The following CASC3 variants were observed in gnomAD, a reference collection of about 807,000 sequenced individuals.
CASC3 encodes CASC3 exon junction complex subunit, also known as protein CASC3.
CASC3 carries 30 observed loss-of-function variants against 80.5 expected under a neutral mutation model. The observed-to-expected ratio is 0.37, with a 90% confidence interval of 0.28 to 0.51. The LOEUF (loss-of-function observed/expected upper bound fraction) is 0.51, where lower values mean the gene tolerates loss of function less well. CASC3 is among the 20% of genes least tolerant of loss of function. The pLI is 0.94. For missense variants in CASC3, 824 were observed against 922.2 expected (o/e 0.89, Z 1.38); for synonymous variants, 312 against 333.6 (o/e 0.94, Z 0.70).
At chr17:40,160,143 G>C (rs1989256602) in intron 3 of CASC3, among the ~76,000 whole-genome samples, 1 of 152,178 alleles carries the variant, frequency 6.6e-6, no homozygotes, top group African/African-American at 2.4e-5. Flanking sequence ...GCCATTTTGA[G>C]ATGGGAGAGT....
rs1321824559 is a variant in CASC3, at chr17:40,161,701, A to G, written c.298-52A>G. 10 of 1,546,730 alleles carry G rather than the reference A, an allele frequency of 6.5e-6. No individual in the cohort carries two copies. In the South Asian group the frequency reaches 1.0e-4, roughly 16 times the overall value. On this transcript the variant is annotated intron_variant, in intron 3 of 13. Transcript: ENST00000264645. ...GGGTTGGGGGCAGGGGTGGGAATTA[A>G]AATGCACCGTTCAGATCTTATATGC...
At chr17:40,148,774 T>G (rs1374837120) in intron 3 of CASC3, among the ~76,000 whole-genome samples, 1 of 152,182 alleles carries the variant, frequency 6.6e-6, no homozygotes, top group Non-Finnish European at 1.5e-5. Context: ...CTCTCTGCTT[T>G]CTCCTGCGTG....
Position 40,163,525 on chromosome 17 carries a change from G to T in CASC3, c.830G>T (p.Arg277Leu). 6.2e-7 allele frequency: 1 copy of T among 1,613,708 alleles called. No homozygotes were observed. ...PQRDPNWNGE[R>L]LNKSHRHQGL... ...AGAGATCCAAACTGGAACGGTGAGC[G>T]GCTAAACAAGTCTCATCGCCACCAG... Residue 277 changes from arginine (R) to leucine (L), a missense_variant, in exon 7 of 14, where the codon CGG (arginine) becomes CTG (leucine). Physicochemically the swap from Arg to Leu is moderately radical, Grantham distance 102. This residue lies in a region of CASC3 where 201 missense variants were observed against 294.1 expected (regional missense o/e 0.68). Coordinates refer to ENST00000264645, the MANE Select transcript of CASC3 (RefSeq NM_007359.5).
chr17:40,152,233 G>A (rs556710571), intron 3 of CASC3, among the ~76,000 whole-genome samples: 1 of 152,284 alleles, frequency 6.6e-6, no homozygotes, highest in South Asian at 2.1e-4. Context: ...AAACTCCTGG[G>A]CTTAAGCAAT....
At chr17:40,166,417 C>T (rs1303793843) in intron 7 of CASC3, among the ~76,000 whole-genome samples, 3 of 152,210 alleles carry the variant, frequency 2.0e-5, no homozygotes, top group South Asian at 2.1e-4. Context: ...GCATCCCTCC[C>T]TTGTCCAGCT....
intron 3 of CASC3, among the ~76,000 whole-genome samples, chr17:40,151,376 A>G (rs1181545053): frequency 6.6e-6 from 1 of 151,962 alleles, no homozygotes; most frequent in Non-Finnish European, 1.5e-5. Context: ...ATGCCTGCCT[A>G]ATTTTTAGTA....
Position 40,149,434 on chromosome 17 carries a change from TTGAC to T in CASC3, c.297+7831_297+7834del, listed in dbSNP as rs555787285. Among the ~76,000 whole-genome samples, 19 of 152,068 alleles carry T rather than the reference TTGAC, an allele frequency of 1.2e-4. No individual in the cohort carries two copies. The South Asian group carries it at 3.5e-3, about 28-fold the overall frequency. On this transcript the variant is annotated intron_variant, in intron 3 of 13. Coordinates refer to ENST00000264645, the MANE Select transcript of CASC3 (RefSeq NM_007359.5). Reference sequence around the variant, plus strand: ...GGCCAAAAAAACTTGTTAAAGAAATTTGACTGAGGGAAGGCTGAAGAGATGGTAG... The same window carrying T: ...GGCCAAAAAAACTTGTTAAAGAAATTTGAGGGAAGGCTGAAGAGATGGTAG...
intron 3 of CASC3, among the ~76,000 whole-genome samples, chr17:40,151,592 G>T (rs1989009627): frequency 6.6e-6 from 1 of 151,468 alleles, no homozygotes; most frequent in Non-Finnish European, 1.5e-5. Context: ...TACTTGGCAA[G>T]CTGAGGCAGG....
intron 3 of CASC3, among the ~76,000 whole-genome samples, chr17:40,152,496 T>C (rs1989037198): frequency 6.6e-6 from 1 of 151,766 alleles, no homozygotes; most frequent in African/African-American, 2.4e-5. Flanking sequence ...TAGTTTTGTA[T>C]TTTTAGTAGA....
intron 3 of CASC3, among the ~76,000 whole-genome samples, chr17:40,144,072 C>T (rs547095320): frequency 9.8e-4 from 149 of 151,614 alleles, no homozygotes; most frequent in African/African-American, 3.1e-3. Context: ...GCCAACATGG[C>T]GAAACCCATT....
rs146476008 is a variant in CASC3, at chr17:40,161,664, G to T, written c.298-89G>T. 9.7e-4 allele frequency: 1,106 copies of T among 1,142,498 alleles called. 15 individuals are homozygous for T. The Middle Eastern group carries it at 0.044, about 45-fold the overall frequency. The allele number at this position is 1,142,498 out of a possible 1,614,324, so 70.8% of individuals were successfully genotyped here. On this transcript the variant is annotated intron_variant, in intron 3 of 13. Coordinates refer to ENST00000264645, the MANE Select transcript of CASC3 (RefSeq NM_007359.5). The stretch of plus-strand genomic sequence containing the variant: ...ACTGTATTCCAGCCTGGGTGACAGA[G>T]ACTTTGTTTTGGGGTTGGGGGCAGG...
At chr17:40,141,867 AGAGT>A (rs1443982485) in intron 3 of CASC3, among the ~76,000 whole-genome samples, 3 of 152,210 alleles carry the variant, frequency 2.0e-5, no homozygotes, top group Non-Finnish European at 2.9e-5. Context: ...TCTAAATAAG[AGAGT>A]GAGGATATCT....
Position 40,140,791 on chromosome 17 carries a change from C to G in CASC3, c.231+12C>G. The G allele has an allele frequency of 1.0e-6, 1 of 974,414 alleles. No individual in the cohort carries two copies. Among genetic ancestry groups the G allele is most frequent in the Non-Finnish European group, 1.3e-6 (1 of 785,986 alleles). 60.4% of individuals were successfully genotyped at this position (974,414 alleles called of 1,614,324 possible). A position where few individuals can be genotyped will look rare whatever the true frequency, so the allele number is the denominator to read the frequency against. ...AGGAGTCGGAGTGTGTGAGTGCGCG[C>G]AGGCGGGGCGGGGTGGGGACCGGGC... is the stretch of plus-strand genomic sequence containing the variant. On this transcript the variant is annotated intron_variant, in intron 1 of 13. Coordinates refer to ENST00000264645, the MANE Select transcript of CASC3 (RefSeq NM_007359.5).
chr17:40,159,552 T>TG (rs112860507), intron 3 of CASC3, among the ~76,000 whole-genome samples: 5,564 of 148,414 alleles, frequency 0.037, 386 homozygotes, highest in African/African-American at 0.13. Context: ...GTGTTTTTTT[T>TG]TTTTTTTTTT....
In CASC3 at chr17:40,161,996, C is replaced by T; in HGVS notation, c.457-6C>T. On this transcript the variant is annotated splice_region_variant and splice_polypyrimidine_tract_variant and intron_variant, in intron 4 of 13. Transcript: ENST00000264645. ...AAGAGTAAGGATCCCTTTATCTGTC[C>T]TCTAGGAGAGCACAGAGCCTGTGGA... is the stretch of plus-strand genomic sequence containing the variant. The T allele has an allele frequency of 2.5e-6, 4 of 1,613,386 alleles. No individual in the cohort carries two copies. Among genetic ancestry groups the T allele is most frequent in the Non-Finnish European group, 1.7e-6 (2 of 1,179,732 alleles).
intron 7 of CASC3, 130 bp downstream of exon 7, chr17:40,164,296 C>G: frequency 1.2e-6 from 1 of 842,934 alleles, no homozygotes; most frequent in South Asian, 1.9e-5. Flanking sequence ...CAGAGTCTCA[C>G]TCTTTTGCCC....
intron 2 of CASC3, 141 bp from the exon 3 acceptor site, chr17:40,141,429 C>G (rs893837374): frequency 3.5e-6 from 3 of 858,236 alleles, no homozygotes; most frequent in Admixed American, 4.4e-5. Flanking sequence ...CCTGTTTCTC[C>G]TTTTGTAAGT....
rs74462354 is a variant in CASC3, at chr17:40,157,945, G to A, written c.298-3808G>A. Among the ~76,000 whole-genome samples, 1,355 of 152,268 alleles carry A rather than the reference G, an allele frequency of 8.9e-3. 26 individuals are homozygous for A. Among genetic ancestry groups the A allele is most frequent in the African/African-American group, 0.03 (1,266 of 41,556 alleles). On this transcript the variant is annotated intron_variant, in intron 3 of 13. Transcript: ENST00000264645. Reference sequence around the variant, plus strand: ...TTCAGTGGAAGTGGATCATCATAAAGGTCTTCATCATCTTTGCATTGAGTA... The same window carrying A: ...TTCAGTGGAAGTGGATCATCATAAAAGTCTTCATCATCTTTGCATTGAGTA...
intron 5 of CASC3, 93 bp downstream of exon 5, chr17:40,162,246 T>A (rs980246051): frequency 3.4e-5 from 44 of 1,277,836 alleles, no homozygotes; most frequent in Admixed American, 7.0e-5. Flanking sequence ...TATTACAGCA[T>A]TTTAAGATAA....
Sources: gnomAD v4.1 joint callset for allele counts (sites outside exome capture counted in the v4.1 genomes callset) on GRCh38, gnomAD v4.1.1 for gene constraint, gnomAD v4.1.1 regional missense constraint, MANE v1.5 for transcripts, NCBI Gene and HGNC (gene_info 2026-07-23, HGNC 2026-07-21) for gene names.